The following IMMP2L variants were observed in gnomAD, a reference collection of about 807,000 sequenced individuals.
The protein encoded by IMMP2L is inner mitochondrial membrane peptidase subunit 2.
A neutral mutation model predicts 19.3 loss-of-function variants in IMMP2L; 18 were observed. The observed-to-expected ratio is 0.93, with a 90% CI of 0.64 to 1.38. IMMP2L has a LOEUF of 1.38. Among genes scored for constraint, IMMP2L ranks in the 40% most tolerant of loss-of-function variants. IMMP2L has a pLI of 0.00. For missense variants in IMMP2L, 233 were observed against 218.2 expected, an observed-to-expected ratio of 1.07 and a Z score of -0.43; for synonymous variants, 76 against 73.0, an observed-to-expected ratio of 1.04 and a Z score of -0.21.
At chr7:110,715,116 G>A (rs1163786796) in intron 5 of IMMP2L, among the ~76,000 whole-genome samples, 2 of 152,002 alleles carry the variant, frequency 1.3e-5, no homozygotes, top group Non-Finnish European at 2.9e-5. Context: ...TGTTGTAATG[G>A]CACTTTTGTT....
intron 3 of IMMP2L, among the ~76,000 whole-genome samples, chr7:111,037,519 T>G (rs1253220341): frequency 6.6e-6 from 1 of 152,150 alleles, no homozygotes; most frequent in Non-Finnish European, 1.5e-5. Context: ...GCCAAGCTTC[T>G]TTGTAGTAAA....
intron 5 of IMMP2L, among the ~76,000 whole-genome samples, chr7:110,686,306 A>T (rs930801925): frequency 3.3e-4 from 50 of 151,922 alleles, no homozygotes; most frequent in Non-Finnish European, 3.2e-4. Flanking sequence ...TCCTGAATGT[A>T]CCTATTTCTT....
intron 5 of IMMP2L, among the ~76,000 whole-genome samples, chr7:110,752,461 T>C (rs1002717572): frequency 1.3e-5 from 2 of 152,086 alleles, no homozygotes; most frequent in Non-Finnish European, 2.9e-5. Context: ...CACATTTATA[T>C]ATCTAATGAT....
chr7:110,828,234 C>CA (rs1392438653), intron 5 of IMMP2L, among the ~76,000 whole-genome samples: 4 of 151,688 alleles, frequency 2.6e-5, no homozygotes, highest in African/African-American at 9.7e-5. Context: ...TGCTGTGTTC[C>CA]AAAAAAAACT....
intron 3 of IMMP2L, among the ~76,000 whole-genome samples, chr7:111,173,850 A>C (rs1034441501): frequency 2.6e-5 from 4 of 151,738 alleles, no homozygotes; most frequent in Admixed American, 2.6e-4. Flanking sequence ...TGTAACATTT[A>C]AGAAAATCAC....
chr7:111,367,069 G>A (rs543100124), intron 3 of IMMP2L, among the ~76,000 whole-genome samples: 9 of 151,388 alleles, frequency 5.9e-5, no homozygotes, highest in Non-Finnish European at 1.0e-4. Flanking sequence ...CTGTGAGAGA[G>A]AGGAATAGGA....
At chr7:111,008,105 C>T (rs1163484675) in intron 3 of IMMP2L, among the ~76,000 whole-genome samples, 9 of 152,052 alleles carry the variant, frequency 5.9e-5, no homozygotes, top group Non-Finnish European at 1.3e-4. Context: ...ACAATAGCCT[C>T]CAAATGCTTT....
chr7:110,705,702 A>T (rs1221707102), intron 5 of IMMP2L, among the ~76,000 whole-genome samples: 1 of 152,080 alleles, frequency 6.6e-6, no homozygotes, highest in Admixed American at 6.5e-5. Context: ...CTGGGTGCAT[A>T]GTACCCAAAA....
chr7:111,137,724 A>G (rs758796194), intron 3 of IMMP2L, among the ~76,000 whole-genome samples: 2 of 152,210 alleles, frequency 1.3e-5, no homozygotes, highest in Non-Finnish European at 2.9e-5. Flanking sequence ...AACAGAAACT[A>G]GTCTTGGATT....
chr7:111,501,638 T>C (rs1844272614), intron 2 of IMMP2L, among the ~76,000 whole-genome samples: 1 of 152,142 alleles, frequency 6.6e-6, no homozygotes, highest in Non-Finnish European at 1.5e-5. Context: ...GCAGAAACTC[T>C]ACAAGCCAGA....
At chr7:111,383,428 C>T (rs1831396260) in intron 3 of IMMP2L, among the ~76,000 whole-genome samples, 1 of 152,072 alleles carries the variant, frequency 6.6e-6, no homozygotes, top group Admixed American at 6.6e-5. Context: ...CCTGCCCATC[C>T]TCATCTCTAC....
intron 3 of IMMP2L, among the ~76,000 whole-genome samples, chr7:111,106,405 T>C (rs1279580854): frequency 2.0e-5 from 3 of 151,904 alleles, no homozygotes; most frequent in African/African-American, 7.2e-5. Context: ...AATAGAAATC[T>C]CTTCTCTCTG....
chr7:111,295,331 A>C (rs1821512099), intron 3 of IMMP2L, among the ~76,000 whole-genome samples: 1 of 151,912 alleles, frequency 6.6e-6, no homozygotes, highest in Admixed American at 6.6e-5. Context: ...TAAGAACCAA[A>C]AAGGAGATAA....
chr7:110,868,786 T>C (rs1256153904), intron 5 of IMMP2L, among the ~76,000 whole-genome samples: 1 of 152,122 alleles, frequency 6.6e-6, no homozygotes, highest in African/African-American at 2.4e-5. Context: ...ACAATTTTCC[T>C]TGAATCCACT....
chr7:111,391,876 T>C, intron 3 of IMMP2L: 1 of 702,792 alleles, frequency 1.4e-6, no homozygotes, highest in Non-Finnish European at 2.6e-6. Context: ...ATGGGATTCC[T>C]GCCCTCTGTT....
Position 111,435,116 on chromosome 7 carries a change from C to T in IMMP2L, c.239+52122G>A, listed in dbSNP as rs537829991. On this transcript the variant is annotated intron_variant, in intron 3 of 5. Transcript: ENST00000405709. ...AAATTAGTACAAGCTCTATAGAAAA[C>T]TGTATGGAGATTTCTCAAAGAATTA... Among the ~76,000 whole-genome samples the T allele has an allele frequency of 4.6e-5, 7 of 151,954 alleles. No individual in the cohort carries two copies. The East Asian group carries it at 1.4e-3, about 29-fold the overall frequency.
intron 3 of IMMP2L, among the ~76,000 whole-genome samples, chr7:111,111,051 G>T (rs1304618605): frequency 6.6e-6 from 1 of 152,008 alleles, no homozygotes; most frequent in Non-Finnish European, 1.5e-5. Context: ...TAAATTATCT[G>T]GAAAGAGTTT....
At chr7:111,427,150 T>A (rs1179127042) in intron 3 of IMMP2L, among the ~76,000 whole-genome samples, 2 of 145,066 alleles carry the variant, frequency 1.4e-5, no homozygotes, top group Non-Finnish European at 3.1e-5. Flanking sequence ...TCTTTTATCA[T>A]TTATCTGTTA....
At chr7:111,210,172 T>C (rs995177081) in intron 3 of IMMP2L, among the ~76,000 whole-genome samples, 3 of 152,130 alleles carry the variant, frequency 2.0e-5, no homozygotes, top group Non-Finnish European at 2.9e-5. Flanking sequence ...TTCACCTTAA[T>C]TAAAATTACC....
Sources: allele counts gnomAD v4.1 joint callset (sites outside exome capture counted in the v4.1 genomes callset), GRCh38; gene constraint gnomAD v4.1.1; transcripts MANE v1.5; gene names NCBI Gene and HGNC (gene_info 2026-07-23, HGNC 2026-07-21).